TRDMT1: variants seen among roughly 807,000 people sequenced by gnomAD.
TRDMT1 encodes the protein tRNA (cytosine(38)-C(5))-methyltransferase.
Under a neutral mutation model 51.2 loss-of-function variants are expected in TRDMT1, and 49 were observed. The observed-to-expected ratio is 0.96, with a 90% CI of 0.76 to 1.21. The LOEUF (loss-of-function observed/expected upper bound fraction) is 1.21. Among genes scored for constraint, TRDMT1 ranks in the 50% most tolerant of loss-of-function variants. The pLI is 0.00. For missense variants in TRDMT1, 534 were observed against 462.3 expected, an observed-to-expected ratio of 1.16 and a Z score of -1.42; for synonymous variants, 187 against 164.6, an observed-to-expected ratio of 1.14 and a Z score of -1.04.
At chr10:17,154,056 T>C (rs12773642) in intron 9 of TRDMT1, among the ~76,000 whole-genome samples, 42,549 of 152,124 alleles carry the variant, frequency 0.28, 6,207 homozygotes, top group Middle Eastern at 0.38. Context: ...CTTAAAATGA[T>C]TAAATATATT....
intron 1 of TRDMT1, among the ~76,000 whole-genome samples, chr10:17,195,847 C>T (rs1845335131): frequency 6.6e-6 from 1 of 151,948 alleles, no homozygotes; most frequent in Non-Finnish European, 1.5e-5. Flanking sequence ...CGTTGCTTCA[C>T]TTTAAATATG....
In TRDMT1 at chr10:17,143,126, TTAAA is replaced by T; in HGVS notation, c.*5910_*5913del. On this transcript the variant is annotated 3_prime_UTR_variant, in exon 11 of 11. Coordinates refer to ENST00000377799, the MANE Select transcript of TRDMT1 (RefSeq NM_004412.7). Reference sequence around the variant, plus strand: ...GGAAGAAGTGGCAGTAACAGACAAATTAAATAGTTTTCAAGAGAACAACTTAAAG... The same window carrying T: ...GGAAGAAGTGGCAGTAACAGACAAATTAGTTTTCAAGAGAACAACTTAAAG... The T allele has an allele frequency of 1.2e-5, 12 of 985,330 alleles. No homozygotes were observed. Among genetic ancestry groups the T allele is most frequent in the Non-Finnish European group, 1.4e-5 (12 of 829,846 alleles). The allele number at this position is 985,330 out of a possible 1,614,324, so 61.0% of individuals were successfully genotyped here.
Position 17,149,035 on chromosome 10 carries a change from C to A in TRDMT1, c.*5G>T. The A allele has an allele frequency of 6.3e-7, 1 of 1,593,896 alleles. No homozygotes were observed. The highest frequency in any genetic ancestry group is 1.1e-5 in the South Asian group (1 of 87,854). On this transcript the variant is annotated 3_prime_UTR_variant, in exon 11 of 11. Transcript: ENST00000377799. The stretch of plus-strand genomic sequence containing the variant: ...ATATGACCATCTTTCAGAGTTATTT[C>A]AAAATTATTCATATAAGATTTTGAT...
At chr10:17,167,508 A>G (rs1255952438) in intron 3 of TRDMT1, among the ~76,000 whole-genome samples, 1 of 152,190 alleles carries the variant, frequency 6.6e-6, no homozygotes, top group African/African-American at 2.4e-5. Flanking sequence ...TTAGAGGATT[A>G]CTACTGCTAT....
intron 10 of TRDMT1, chr10:17,150,881 C>T (rs542290697): frequency 6.0e-4 from 593 of 985,192 alleles, no homozygotes; most frequent in Non-Finnish European, 6.6e-4. Context: ...TACAAATGTA[C>T]CTACAAACAG....
In TRDMT1 at chr10:17,144,908, T is replaced by G; in HGVS notation, c.*4132A>C. ...TGCACACAGGTTGACTCATGCAAAC[T>G]GAAACTAAAGAACATGTGCAAGATG... On this transcript the variant is annotated 3_prime_UTR_variant, in exon 11 of 11. Transcript: ENST00000377799. 1.0e-6 allele frequency: 1 copy of G among 985,086 alleles called. No individual in the cohort carries two copies. The highest frequency in any genetic ancestry group is 1.2e-6 in the Non-Finnish European group (1 of 829,870). The allele number at this position is 985,086 out of a possible 1,614,324, so 61.0% of individuals were successfully genotyped here.
Position 17,139,956 on chromosome 10 carries a change from T to C in TRDMT1, c.*9084A>G, listed in dbSNP as rs924935233. Among the ~76,000 whole-genome samples, 4 of 151,336 alleles carry C rather than the reference T, an allele frequency of 2.6e-5. No homozygotes were observed. Among genetic ancestry groups the C allele is most frequent in the Admixed American group, 1.3e-4 (2 of 15,134 alleles). On this transcript the variant is annotated 3_prime_UTR_variant, in exon 11 of 11. Transcript: ENST00000377799. Reference sequence around the variant, plus strand: ...AGCTTTGTCAACAATTCCTAGACTATGTTTAGAAGAGACATAAACAATACC... The same window carrying C: ...AGCTTTGTCAACAATTCCTAGACTACGTTTAGAAGAGACATAAACAATACC...
chr10:17,147,473 G>T lies in TRDMT1; in HGVS notation c.*1567C>A. ...CAGTGGCATTAAGTACACTCACACT[G>T]TTGTGCAACCATCCTCCCCATCCAC... On this transcript the variant is annotated 3_prime_UTR_variant, in exon 11 of 11. Transcript: ENST00000377799. The T allele has an allele frequency of 2.0e-6, 1 of 491,070 alleles. No homozygotes were observed. The highest frequency in any genetic ancestry group is 2.6e-6 in the Non-Finnish European group (1 of 378,254). The allele number at this position is 491,070 out of a possible 1,614,324, so 30.4% of individuals were successfully genotyped here.
chr10:17,143,287 T>TG lies in TRDMT1; in HGVS notation c.*5752dup, dbSNP rs1031550267. On this transcript the variant is annotated 3_prime_UTR_variant, in exon 11 of 11. Coordinates refer to ENST00000377799, the MANE Select transcript of TRDMT1 (RefSeq NM_004412.7). The stretch of plus-strand genomic sequence containing the variant: ...ATGTGCCAGTACTGTTTTAAGTCAC[T>TG]GGGGGGACAACGTATTAACAATCTC... 3 of 984,860 alleles carry TG rather than the reference T, an allele frequency of 3.0e-6. No individual in the cohort carries two copies. In the African/African-American group the frequency reaches 5.2e-5, roughly 17 times the overall value. The allele number at this position is 984,860 out of a possible 1,614,324, so 61.0% of individuals were successfully genotyped here.
At chr10:17,169,289 A>C in intron 2 of TRDMT1, 1 of 1,150,118 alleles carries the variant, frequency 8.7e-7, no homozygotes, top group Non-Finnish European at 1.1e-6. Flanking sequence ...GATGGGGTCT[A>C]GGAAATTTTT....
Position 17,146,360 on chromosome 10 carries a change from C to G in TRDMT1, c.*2680G>C, listed in dbSNP as rs764206237. The G allele has an allele frequency of 3.0e-6, 3 of 985,410 alleles. No individual in the cohort carries two copies. The highest frequency in any genetic ancestry group is 3.6e-6 in the Non-Finnish European group (3 of 829,932). 61.0% of individuals were successfully genotyped at this position (985,410 alleles called of 1,614,324 possible). The stretch of plus-strand genomic sequence containing the variant: ...TGATTTCACAGACAGAACACCATGG[C>G]CAGGGTCCTCTGTGAAGGTGATGCC... On this transcript the variant is annotated 3_prime_UTR_variant, in exon 11 of 11. Transcript: ENST00000377799.
At position 17,157,641 on chromosome 10, in the gene TRDMT1, A is replaced by G. The variant is rs761131671; in HGVS notation, c.687T>C (p.Leu229=). The G allele has an allele frequency of 1.2e-6, 2 of 1,613,686 alleles. No homozygotes were observed. The highest frequency in any genetic ancestry group is 1.7e-6 in the Non-Finnish European group (2 of 1,179,838). The change falls in exon 8 of 11, where the codon CTT becomes CTC. Residue 229 remains leucine (L), a synonymous_variant. Transcript: ENST00000377799. The stretch of plus-strand genomic sequence containing the variant: ...TTTCTTCTGCAGTTTCAAGCTTAAA[A>G]AGAATGGCATCTTTTCCAGAACACT... ...SIQCSGKDAI[L]FKLETAEEIH...
chr10:17,191,235 C>G (rs886998612), intron 1 of TRDMT1, among the ~76,000 whole-genome samples: 4 of 152,130 alleles, frequency 2.6e-5, no homozygotes, highest in Non-Finnish European at 5.9e-5. Context: ...CCATTCAGGA[C>G]TCTGGTTTCT....
intron 1 of TRDMT1, among the ~76,000 whole-genome samples, chr10:17,198,374 A>G (rs1845726198): frequency 6.6e-6 from 1 of 152,250 alleles, no homozygotes; most frequent in Non-Finnish European, 1.5e-5. Context: ...ACTACTCACA[A>G]TGGTCAGCAG....
chr10:17,187,771 A>T (rs1006360997), intron 1 of TRDMT1, among the ~76,000 whole-genome samples: 3 of 152,172 alleles, frequency 2.0e-5, no homozygotes, highest in African/African-American at 7.2e-5. Context: ...ATCTTTCCTG[A>T]CCTTTTTCTG....
chr10:17,149,633 T>G (rs1838435321), intron 10 of TRDMT1, among the ~76,000 whole-genome samples: 1 of 152,116 alleles, frequency 6.6e-6, no homozygotes. Flanking sequence ...TCGTACCTAT[T>G]AGCAGTCACT....
At chr10:17,173,515 A>G (rs1350001817) in intron 2 of TRDMT1, among the ~76,000 whole-genome samples, 3 of 152,182 alleles carry the variant, frequency 2.0e-5, no homozygotes, top group African/African-American at 4.8e-5. Context: ...AAAAGAAAGC[A>G]GATCCATTGT....
At chr10:17,182,574 T>G (rs964549696) in intron 1 of TRDMT1, among the ~76,000 whole-genome samples, 6 of 152,326 alleles carry the variant, frequency 3.9e-5, no homozygotes, top group Middle Eastern at 3.4e-3. Flanking sequence ...AGTATTCTTC[T>G]TGATAAAACT....
chr10:17,192,394 A>G (rs569956447), intron 1 of TRDMT1, among the ~76,000 whole-genome samples: 88 of 152,320 alleles, frequency 5.8e-4, no homozygotes, highest in African/African-American at 2.1e-3. Flanking sequence ...TAATAGAAAT[A>G]TTACAGAGAA....
Sources: allele counts gnomAD v4.1 joint callset (sites outside exome capture counted in the v4.1 genomes callset), GRCh38; gene constraint gnomAD v4.1.1; transcripts MANE v1.5; gene names NCBI Gene and HGNC (gene_info 2026-07-23, HGNC 2026-07-21).